MCCC1: variants seen among roughly 807,000 people sequenced by gnomAD.
MCCC1 encodes methylcrotonoyl-CoA carboxylase subunit alpha, mitochondrial.
Under a neutral mutation model 83.8 loss-of-function variants are expected in MCCC1, and 64 were observed. That is an observed-to-expected ratio of 0.76 (90% confidence interval 0.62 to 0.94). The LOEUF (loss-of-function observed/expected upper bound fraction) is 0.94. MCCC1 is among the 40% of genes least tolerant of loss of function. The pLI, the probability that MCCC1 is intolerant of heterozygous loss-of-function variation, is 0.00. For missense variants in MCCC1, 807 were observed against 904.7 expected, an observed-to-expected ratio of 0.89 and a Z score of 1.39; for synonymous variants, 322 against 315.4, an observed-to-expected ratio of 1.02 and a Z score of -0.22.
chr3:183,080,742 C>T (rs1364359528), intron 4 of MCCC1, among the ~76,000 whole-genome samples: 2 of 152,144 alleles, frequency 1.3e-5, no homozygotes, highest in Non-Finnish European at 2.9e-5. Context: ...TGACACTGGG[C>T]AATTTACAAA....
At chr3:183,029,325 T>C (rs981206671) in intron 14 of MCCC1, 2 of 152,246 alleles carry the variant, frequency 1.3e-5, no homozygotes, top group African/African-American at 4.8e-5. Context: ...CTCCGATTAT[T>C]GTCATTACCA....
At chr3:183,036,357 C>T (rs986293936) in intron 13 of MCCC1, among the ~76,000 whole-genome samples, 2 of 151,920 alleles carry the variant, frequency 1.3e-5, no homozygotes, top group South Asian at 4.2e-4. Context: ...TCATGGGTAA[C>T]CCTGGGGAAT....
chr3:183,107,533 A>G (rs769182984), intron 1 of MCCC1, among the ~76,000 whole-genome samples: 15 of 150,004 alleles, frequency 1.0e-4, no homozygotes, highest in Admixed American at 2.0e-4. Flanking sequence ...TATTATTATT[A>G]TTTGTTGTTG....
intron 11 of MCCC1, among the ~76,000 whole-genome samples, chr3:183,040,319 TTTC>T (rs1313353601): frequency 6.6e-6 from 1 of 151,894 alleles, no homozygotes; most frequent in East Asian, 1.9e-4. Flanking sequence ...AGTCATATAT[TTTC>T]TTACTATTCT....
chr3:183,111,641 G>C (rs1719494167), intron 1 of MCCC1, among the ~76,000 whole-genome samples: 1 of 152,218 alleles, frequency 6.6e-6, no homozygotes, highest in Non-Finnish European at 1.5e-5. Flanking sequence ...ACATGCATGT[G>C]AGTTATTCTT....
intron 7 of MCCC1, among the ~76,000 whole-genome samples, chr3:183,070,035 T>C (rs1431518537): frequency 6.6e-6 from 1 of 152,176 alleles, no homozygotes; most frequent in East Asian, 1.9e-4. Context: ...TCCTCACCTG[T>C]AAAATGAAAA....
intron 1 of MCCC1, among the ~76,000 whole-genome samples, chr3:183,108,231 CTG>C (rs1719437711): frequency 6.6e-6 from 1 of 152,196 alleles, no homozygotes; most frequent in African/African-American, 2.4e-5. Context: ...AATATCCAAA[CTG>C]TGGCCTCCAA....
chr3:183,114,300 G>T (rs146441279), intron 1 of MCCC1, among the ~76,000 whole-genome samples: 2 of 150,208 alleles, frequency 1.3e-5, no homozygotes, highest in African/African-American at 2.5e-5. Flanking sequence ...TAGACCCCCC[G>T]CCCCCCTTCC....
chr3:183,094,886 AC>A (rs1178351643), intron 1 of MCCC1, among the ~76,000 whole-genome samples: 1 of 152,202 alleles, frequency 6.6e-6, no homozygotes, highest in Non-Finnish European at 1.5e-5. Flanking sequence ...AGGTATACCA[AC>A]ATCATCTAGT....
At chr3:183,056,531 C>T (rs183892597) in intron 8 of MCCC1, among the ~76,000 whole-genome samples, 81 of 152,220 alleles carry the variant, frequency 5.3e-4, no homozygotes, top group African/African-American at 1.8e-3. Flanking sequence ...CGCTGCCAAA[C>T]GAGAGACTCT....
At chr3:183,109,397 C>T (rs772077029) in intron 1 of MCCC1, among the ~76,000 whole-genome samples, 3 of 152,156 alleles carry the variant, frequency 2.0e-5, no homozygotes, top group Non-Finnish European at 2.9e-5. Context: ...TCAACTATTG[C>T]CTCCCTCCCA....
chr3:183,048,398 T>G (rs533782397), intron 9 of MCCC1, among the ~76,000 whole-genome samples: 1 of 152,266 alleles, frequency 6.6e-6, no homozygotes, highest in South Asian at 2.1e-4. Flanking sequence ...GAAATCCACT[T>G]TAAAGACTTA....
intron 7 of MCCC1, among the ~76,000 whole-genome samples, chr3:183,058,109 T>C (rs1004269137): frequency 6.6e-5 from 10 of 152,194 alleles, no homozygotes; most frequent in African/African-American, 2.4e-4. Context: ...CAAATTTGAC[T>C]ACATCAAAAT....
In MCCC1 at chr3:183,072,073, G is replaced by T. The variant is rs189452032; in HGVS notation, c.491+293C>A. 8.1e-3 allele frequency among the ~76,000 whole-genome samples: 1,237 copies of T among 152,112 alleles called. 16 individuals carry two copies. The highest frequency in any genetic ancestry group is 0.029 in the African/African-American group (1,201 of 41,502). ...TGTAGAGACAGGGTCTCCCTGTGTT[G>T]CCCAGGCTGGTCTTAAACTTCTGGG... On this transcript the variant is annotated intron_variant, in intron 5 of 18. Coordinates refer to ENST00000265594, the MANE Select transcript of MCCC1 (RefSeq NM_020166.5).
chr3:183,091,404 C>T (rs1718323156), intron 3 of MCCC1, among the ~76,000 whole-genome samples: 1 of 151,900 alleles, frequency 6.6e-6, no homozygotes, highest in African/African-American at 2.4e-5. Context: ...CCTGTCTCTA[C>T]TAAAAATACA....
In MCCC1 at chr3:183,071,224, C is replaced by A; in HGVS notation, c.625G>T (p.Gly209Cys). 6.2e-7 allele frequency: 1 copy of A among 1,614,168 alleles called. No individual in the cohort carries two copies. Among genetic ancestry groups the A allele is most frequent in the South Asian group, 1.1e-5 (1 of 91,086 alleles). The change falls in exon 6 of 19, where the codon GGT (glycine) becomes TGT (cysteine). Residue 209 changes from glycine to cysteine, a missense_variant. Coordinates refer to ENST00000265594, the MANE Select transcript of MCCC1 (RefSeq NM_020166.5). Reference protein sequence around the residue: ...GYPVMIKAVRGGGGKGMRIVR... With the variant: ...GYPVMIKAVRCGGGKGMRIVR... ...CACAATCTTACTTTTCCTCCTCCAC[C>A]CCGGACGGCTTTAATCATGACAGGA... is the stretch of plus-strand genomic sequence containing the variant.
At chr3:183,074,362 CAGA>C (rs1239865787) in intron 4 of MCCC1, among the ~76,000 whole-genome samples, 1 of 152,110 alleles carries the variant, frequency 6.6e-6, no homozygotes, top group Non-Finnish European at 1.5e-5. Context: ...AGGGAAGAAA[CAGA>C]AGGAGGCAAA....
intron 4 of MCCC1, among the ~76,000 whole-genome samples, chr3:183,078,310 T>G (rs1004337325): frequency 2.0e-5 from 3 of 152,218 alleles, no homozygotes; most frequent in Non-Finnish European, 4.4e-5. Context: ...TGTGAGCCAC[T>G]GCACCTGGCA....
chr3:183,112,050 T>C (rs1222987233), intron 1 of MCCC1, among the ~76,000 whole-genome samples: 2 of 151,920 alleles, frequency 1.3e-5, no homozygotes, highest in Non-Finnish European at 2.9e-5. Context: ...CTTCTGAAAA[T>C]CCATTTTGTA....
Sources: gnomAD v4.1 joint callset for allele counts (sites outside exome capture counted in the v4.1 genomes callset) on GRCh38, gnomAD v4.1.1 for gene constraint, MANE v1.5 for transcripts, NCBI Gene and HGNC (gene_info 2026-07-23, HGNC 2026-07-21) for gene names.